Variants in OPHN1 observed in about 807,000 individuals in gnomAD.
The protein encoded by OPHN1 is oligophrenin 1.
A neutral mutation model predicts 60.7 loss-of-function variants in OPHN1; 11 were observed. That is an observed-to-expected ratio of 0.18 (90% CI 0.11 to 0.30). OPHN1 has a LOEUF of 0.30. OPHN1 is among the 10% of genes least tolerant of loss of function. The pLI is 1.00. For missense variants in OPHN1, 449 were observed against 611.0 expected (o/e 0.73, Z 2.80); for synonymous variants, 226 against 222.6 (o/e 1.02, Z -0.14).
At chrX:68,215,871 C>T (rs1464335200) in intron 6 of OPHN1, among the ~76,000 whole-genome samples, 1 of 109,776 alleles carries the variant, frequency 9.1e-6, no homozygotes, top group Non-Finnish European at 1.9e-5. Flanking sequence ...CAAGAAAGGA[C>T]AAAAGATCTC....
chrX:68,232,174 G>A (rs2077731743), intron 6 of OPHN1, among the ~76,000 whole-genome samples: 1 of 111,709 alleles, frequency 9.0e-6, no homozygotes, highest in Non-Finnish European at 1.9e-5. Context: ...TCCAGAAGGT[G>A]TCCTAGCAAA....
intron 5 of OPHN1, among the ~76,000 whole-genome samples, chrX:68,251,072 G>A (rs768272453): frequency 8.3e-4 from 91 of 109,277 alleles, no homozygotes; most frequent in African/African-American, 2.8e-3. Flanking sequence ...TGAAGAAATG[G>A]AAAACAGATA....
At chrX:68,175,101 A>G (rs4477163) in intron 15 of OPHN1, among the ~76,000 whole-genome samples, 15,048 of 109,228 alleles carry the variant, frequency 0.14, 899 homozygotes, top group African/African-American at 0.21. Flanking sequence ...AAGAAAAAAA[A>G]TCCCCCAAAA....
At position 68,083,054 on chromosome X, in the gene OPHN1, C is replaced by CTTTTTTTTTTTTTTTTTTTTTT. The variant is rs869083899; in HGVS notation, c.1687-9777_1687-9756dup. Among the ~76,000 whole-genome samples, 2 of 37,450 alleles carry CTTTTTTTTTTTTTTTTTTTTTT rather than the reference C, an allele frequency of 5.3e-5. 1 individual carries two copies. The highest frequency in any genetic ancestry group is 2.3e-4 in the African/African-American group (2 of 8,655). 32.5% of individuals were successfully genotyped at this position (37,450 alleles called of 115,157 possible). On this transcript the variant is annotated intron_variant, in intron 19 of 24. Transcript: ENST00000355520. ...ATCATGAACCAACCTCTGCTAGTTT[C>CTTTTTTTTTTTTTTTTTTTTTT]TTTTTTTTTTTTTTTTTTTTTTTTT...
chrX:68,336,577 A>G (rs747761559), intron 2 of OPHN1: 2 of 110,009 alleles, frequency 1.8e-5, no homozygotes, highest in Non-Finnish European at 3.8e-5. Context: ...GGAAAAAGAC[A>G]GTATAAACAT....
At position 68,129,127 on chromosome X, in the gene OPHN1, G is replaced by A. The variant is rs137987865; in HGVS notation, c.1277-9795C>T. ...ATAAAACATAAGTGGATTTTAATAG[G>A]TTATTGGGTTAAGGAATGACTTCTA... On this transcript the variant is annotated intron_variant, in intron 15 of 24. Coordinates refer to ENST00000355520, the MANE Select transcript of OPHN1 (RefSeq NM_002547.3). Among the ~76,000 whole-genome samples, 28 of 111,813 alleles carry A rather than the reference G, an allele frequency of 2.5e-4. No individual in the cohort carries two copies. In the East Asian group the frequency reaches 4.8e-3, roughly 19 times the overall value.
rs775499051 is a variant in OPHN1 at position 68,339,847 on chromosome X, C to T, written c.155-40751G>A. Among the ~76,000 whole-genome samples, 8 of 111,851 alleles carry T rather than the reference C, an allele frequency of 7.2e-5. No individual in the cohort carries two copies. The South Asian group carries it at 3.0e-3, about 42-fold the overall frequency. On this transcript the variant is annotated intron_variant, in intron 2 of 24. Transcript: ENST00000355520. ...CAAACTCCTGACCTCAAGTGATCTG[C>T]CCGCCTCAGCCTCCCAAAGTACTGG... is the stretch of plus-strand genomic sequence containing the variant.
chrX:68,227,790 A>C (rs1251769131), intron 6 of OPHN1, among the ~76,000 whole-genome samples: 1 of 111,687 alleles, frequency 9.0e-6, no homozygotes, highest in Non-Finnish European at 1.9e-5. Flanking sequence ...CTAAATGCCC[A>C]CAAGAGAAAG....
chrX:68,063,437 C>T (rs1381415843), intron 21 of OPHN1, among the ~76,000 whole-genome samples: 2 of 109,447 alleles, frequency 1.8e-5, no homozygotes, highest in African/African-American at 6.7e-5. Context: ...AGGGAAATCA[C>T]TTGAACCTAG....
In OPHN1 at chrX:68,084,424, G is replaced by T. The variant is rs1301279354; in HGVS notation, c.1687-11125C>A. ...GAGTGAAAGAGGGGGACAGGGAGAGGGAGAGGAGAGTGGTAGAGAAAGGGA... is the reference window on the plus strand; with the variant it reads ...GAGTGAAAGAGGGGGACAGGGAGAGTGAGAGGAGAGTGGTAGAGAAAGGGA... On this transcript the variant is annotated intron_variant, in intron 19 of 24. Coordinates refer to ENST00000355520, the MANE Select transcript of OPHN1 (RefSeq NM_002547.3). 4.8e-5 allele frequency among the ~76,000 whole-genome samples: 5 copies of T among 103,903 alleles called. No homozygotes were observed. The East Asian group carries it at 1.6e-3, about 33-fold the overall frequency. 90.2% of individuals were successfully genotyped at this position (103,903 alleles called of 115,157 possible).
Position 68,340,599 on chromosome X carries a change from T to C in OPHN1, c.155-41503A>G, listed in dbSNP as rs766330359. Among the ~76,000 whole-genome samples the C allele has an allele frequency of 1.9e-4, 21 of 111,560 alleles. 1 individual carries two copies. In the East Asian group the frequency reaches 5.6e-3, roughly 30 times the overall value. On this transcript the variant is annotated intron_variant, in intron 2 of 24. Coordinates refer to ENST00000355520, the MANE Select transcript of OPHN1 (RefSeq NM_002547.3). Reference sequence around the variant, plus strand: ...AATACAAAATCTAAAACTATAATACTCTTAAAAGAAAACATAGGGATAAAT... The same window carrying C: ...AATACAAAATCTAAAACTATAATACCCTTAAAAGAAAACATAGGGATAAAT...
At position 68,325,187 on chromosome X, in the gene OPHN1, G is replaced by GT. The variant is rs994448194; in HGVS notation, c.155-26092dup. Among the ~76,000 whole-genome samples the GT allele has an allele frequency of 5.7e-3, 621 of 109,575 alleles. 2 individuals carry two copies. Among genetic ancestry groups the GT allele is most frequent in the Non-Finnish European group, 8.0e-3 (420 of 52,476 alleles). On this transcript the variant is annotated intron_variant, in intron 2 of 24. Transcript: ENST00000355520. The stretch of plus-strand genomic sequence containing the variant: ...AAAGTCATGCAATTCTAATCTGTAG[G>GT]TTTTTTTTTAATGGAACTTGATGAA...
chrX:68,310,317 G>T (rs1423007892), intron 2 of OPHN1, among the ~76,000 whole-genome samples: 3 of 111,291 alleles, frequency 2.7e-5, no homozygotes, highest in Admixed American at 1.9e-4. Context: ...GTAAAATAAA[G>T]TTATCCAGAA....
chrX:68,155,916 T>C (rs1170947015), intron 15 of OPHN1, among the ~76,000 whole-genome samples: 2 of 111,531 alleles, frequency 1.8e-5, no homozygotes, highest in Admixed American at 9.5e-5. Flanking sequence ...TAAAGAAAAA[T>C]ACAAAGAATA....
At chrX:68,163,458 GTATA>G (rs60287755) in intron 15 of OPHN1, among the ~76,000 whole-genome samples, 155 of 80,705 alleles carry the variant, frequency 1.9e-3, no homozygotes, top group East Asian at 3.9e-3. Context: ...GTGTGTGTGT[GTATA>G]TATACCACAA....
intron 19 of OPHN1, among the ~76,000 whole-genome samples, chrX:68,083,083 T>TTTTG (rs2076980774): frequency 1.2e-5 from 1 of 85,225 alleles, no homozygotes; most frequent in Non-Finnish European, 2.3e-5. Context: ...TTTTTTTTTT[T>TTTTG]GAGACGGAGT....
chrX:68,183,049 A>G (rs1252018281), intron 15 of OPHN1, among the ~76,000 whole-genome samples: 1 of 112,260 alleles, frequency 8.9e-6, no homozygotes, highest in Non-Finnish European at 1.9e-5. Context: ...TTTCAGAGGG[A>G]CATGGAAAAT....
intron 19 of OPHN1, among the ~76,000 whole-genome samples, chrX:68,080,065 C>A (rs1037292174): frequency 2.7e-5 from 3 of 111,781 alleles, no homozygotes; most frequent in Non-Finnish European, 5.6e-5. Context: ...GTAGAGTGAT[C>A]TTTCTCAACT....
At chrX:68,405,299 GCTCAAGTGAGCCTC>G (rs998777043) in intron 2 of OPHN1, among the ~76,000 whole-genome samples, 1 of 111,388 alleles carries the variant, frequency 9.0e-6, no homozygotes, top group Admixed American at 9.6e-5. Flanking sequence ...AAACACCTGG[GCTCAAGTGAGCCTC>G]CTGCCTCAGC....
Sources: gnomAD v4.1 joint callset for allele counts (sites outside exome capture counted in the v4.1 genomes callset) on GRCh38, gnomAD v4.1.1 for gene constraint, MANE v1.5 for transcripts, NCBI Gene and HGNC (gene_info 2026-07-23, HGNC 2026-07-21) for gene names.